Variants in PLD5 observed in about 807,000 individuals in gnomAD.
PLD5 encodes phospholipase D family member 5, also known as inactive phospholipase D5.
Under a neutral mutation model 61.1 loss-of-function variants are expected in PLD5, and 36 were observed. The observed-to-expected ratio is 0.59, with a 90% CI of 0.45 to 0.78. PLD5 has a LOEUF of 0.78. Among genes scored for constraint, PLD5 ranks in the 30% least tolerant of loss-of-function variants. The probability of loss-of-function intolerance (pLI) is 0.00; values close to 1 mark genes in which losing one functional copy is unlikely to be tolerated. For missense variants in PLD5, 515 were observed against 644.4 expected (o/e 0.80, Z 2.17); for synonymous variants, 243 against 242.8 (o/e 1.00, Z -0.01).
intron 9 of PLD5, among the ~76,000 whole-genome samples, chr1:242,096,946 G>C (rs923579845): frequency 1.5e-5 from 2 of 136,456 alleles, no homozygotes; most frequent in Non-Finnish European, 3.0e-5. Context: ...TCCCCTTCCT[G>C]TGTCTGTGTG....
chr1:242,192,386 C>A (rs888228798), intron 5 of PLD5: 70 of 152,328 alleles, frequency 4.6e-4, no homozygotes, highest in African/African-American at 1.6e-3. Context: ...ACCCCTCATT[C>A]CCCTTCTTGT....
intron 9 of PLD5, among the ~76,000 whole-genome samples, chr1:242,096,817 A>C (rs1165732944): frequency 6.6e-6 from 1 of 151,924 alleles, no homozygotes; most frequent in East Asian, 1.9e-4. Flanking sequence ...ATATGTATAC[A>C]TGTGCCATGT....
chr1:242,293,905 G>C (rs143283847), intron 2 of PLD5, among the ~76,000 whole-genome samples: 356 of 152,250 alleles, frequency 2.3e-3, no homozygotes, highest in African/African-American at 7.9e-3. Flanking sequence ...ACTTATTTCT[G>C]TGACCTATAG....
intron 3 of PLD5, among the ~76,000 whole-genome samples, chr1:242,286,563 CT>C (rs144668837): frequency 0.052 from 7,890 of 152,214 alleles, 260 homozygotes; most frequent in Non-Finnish European, 0.074. Flanking sequence ...TTTTATACCC[CT>C]TCTATATCTC....
At chr1:242,396,563 A>G (rs1663581932) in intron 1 of PLD5, among the ~76,000 whole-genome samples, 1 of 151,992 alleles carries the variant, frequency 6.6e-6, no homozygotes. Flanking sequence ...CTGCTAACTC[A>G]GCTCCCAATC....
intron 1 of PLD5, among the ~76,000 whole-genome samples, chr1:242,442,526 C>G (rs746965136): frequency 3.7e-4 from 57 of 152,146 alleles, no homozygotes; most frequent in East Asian, 1.9e-4. Context: ...AATTCTAAAT[C>G]AGGATCATGA....
At chr1:242,180,410 A>G (rs1019261159) in intron 5 of PLD5, among the ~76,000 whole-genome samples, 28 of 152,142 alleles carry the variant, frequency 1.8e-4, no homozygotes, top group African/African-American at 6.5e-4. Context: ...AGAATATCCT[A>G]GTAGGTTTCC....
chr1:242,512,321 G>A (rs1425267455), intron 1 of PLD5, among the ~76,000 whole-genome samples: 3 of 151,484 alleles, frequency 2.0e-5, no homozygotes, highest in Non-Finnish European at 4.4e-5. Flanking sequence ...TGGGGAGGCT[G>A]AGGCAGGAGA....
intron 4 of PLD5, among the ~76,000 whole-genome samples, chr1:242,220,884 G>A (rs1269106505): frequency 2.6e-5 from 4 of 151,994 alleles, no homozygotes; most frequent in Non-Finnish European, 4.4e-5. Flanking sequence ...TTACAGGCAT[G>A]TGCCACTATG....
intron 2 of PLD5, among the ~76,000 whole-genome samples, chr1:242,317,756 G>A (rs1000572034): frequency 6.6e-6 from 1 of 150,926 alleles, no homozygotes; most frequent in Non-Finnish European, 1.5e-5. Flanking sequence ...ACCTGGCCAT[G>A]TTCCATGTTC....
chr1:242,089,723 G>C lies in PLD5; in HGVS notation c.*131C>G. ...TATTGTTAGATAGGTATTATGTGTT[G>C]TTCAGAGAATATTTTTTATAAGTGT... On this transcript the variant is annotated 3_prime_UTR_variant, in exon 10 of 10. Transcript: ENST00000536534. 1 of 1,217,380 alleles carries C rather than the reference G, an allele frequency of 8.2e-7. No homozygotes were observed. Among genetic ancestry groups the C allele is most frequent in the East Asian group, 2.3e-5 (1 of 42,566 alleles). The allele number at this position is 1,217,380 out of a possible 1,614,324, so 75.4% of individuals were successfully genotyped here.
chr1:242,258,772 T>C (rs1673223602), intron 4 of PLD5, among the ~76,000 whole-genome samples: 1 of 152,158 alleles, frequency 6.6e-6, no homozygotes, highest in Admixed American at 6.5e-5. Flanking sequence ...TGCATTCTGT[T>C]TCTTAAAGCT....
chr1:242,444,495 C>G (rs1045189178), intron 1 of PLD5, among the ~76,000 whole-genome samples: 1 of 151,220 alleles, frequency 6.6e-6, no homozygotes, highest in African/African-American at 2.4e-5. Context: ...TCTAATTTGT[C>G]CTCACTCATT....
At chr1:242,378,608 A>C (rs1050318087) in intron 1 of PLD5, among the ~76,000 whole-genome samples, 1 of 152,202 alleles carries the variant, frequency 6.6e-6, no homozygotes, top group Non-Finnish European at 1.5e-5. Context: ...TGGTAGGCTG[A>C]GGCAGGTCAA....
intron 1 of PLD5, among the ~76,000 whole-genome samples, chr1:242,422,529 C>T (rs1018754041): frequency 3.9e-5 from 6 of 152,146 alleles, no homozygotes; most frequent in Non-Finnish European, 1.5e-5. Context: ...TTCTAGATTG[C>T]AACTGTAATA....
intron 4 of PLD5, among the ~76,000 whole-genome samples, chr1:242,226,399 G>C (rs1670947291): frequency 6.6e-6 from 1 of 152,156 alleles, no homozygotes; most frequent in African/African-American, 2.4e-5. Context: ...CAGTCTACTT[G>C]TTTAACTGAT....
At chr1:242,244,560 G>T (rs1011491360) in intron 4 of PLD5, among the ~76,000 whole-genome samples, 2 of 152,220 alleles carry the variant, frequency 1.3e-5, no homozygotes, top group Non-Finnish European at 2.9e-5. Context: ...TCCTGCAGAG[G>T]CATGGGTTTA....
intron 6 of PLD5, among the ~76,000 whole-genome samples, chr1:242,123,160 G>C (rs761641170): frequency 6.6e-6 from 1 of 152,148 alleles, no homozygotes; most frequent in Non-Finnish European, 1.5e-5. Flanking sequence ...ACGCCGACAG[G>C]TTCTTGAATA....
At position 242,523,619 on chromosome 1, in the gene PLD5, G is replaced by T. The variant is rs80109375; in HGVS notation, c.189+469C>A. 7.8e-3 allele frequency among the ~76,000 whole-genome samples: 1,192 copies of T among 152,302 alleles called. 54 individuals carry two copies. Among genetic ancestry groups the T allele is most frequent in the Admixed American group, 0.054 (831 of 15,296 alleles). On this transcript the variant is annotated intron_variant, in intron 1 of 9. Coordinates refer to ENST00000536534, the MANE Select transcript of PLD5 (RefSeq NM_001372062.1). ...AAAAAACTCTAATGGCTTGTGCGCG[G>T]GTCCACGCTGGTCGCTAGCGGCGCC...
Sources: gnomAD v4.1 joint callset for allele counts (sites outside exome capture counted in the v4.1 genomes callset) on GRCh38, gnomAD v4.1.1 for gene constraint, MANE v1.5 for transcripts, NCBI Gene and HGNC (gene_info 2026-07-23, HGNC 2026-07-21) for gene names.